The following KANSL1L variants were observed in gnomAD, a reference collection of about 807,000 sequenced individuals.
KANSL1L encodes KAT8 regulatory NSL complex subunit 1 like, also known as KAT8 regulatory NSL complex subunit 1-like protein.
In KANSL1L, 25 loss-of-function variants were observed where a neutral mutation model predicts 108.6. The observed-to-expected ratio is 0.23, with a 90% confidence interval of 0.17 to 0.32. KANSL1L has a LOEUF of 0.32. KANSL1L is among the 10% of genes least tolerant of loss of function. The pLI is 1.00. For synonymous variants in KANSL1L, 405 were observed against 395.1 expected (o/e 1.03, Z -0.30); for missense variants, 1,137 against 1,125.7 (o/e 1.01, Z -0.14).
At chr2:210,121,268 G>A (rs2125508397) in intron 3 of KANSL1L, among the ~76,000 whole-genome samples, 1 of 152,302 alleles carries the variant, frequency 6.6e-6, no homozygotes, top group Middle Eastern at 3.4e-3. Flanking sequence ...ATGGTAGACT[G>A]CATAAAGCAA....
At chr2:210,169,641 T>G (rs555536339) in intron 1 of KANSL1L, among the ~76,000 whole-genome samples, 1 of 152,342 alleles carries the variant, frequency 6.6e-6, no homozygotes, top group African/African-American at 2.4e-5. Context: ...TTAAGAAGTT[T>G]CACATAAAAA....
intron 5 of KANSL1L, chr2:210,096,401 G>T: frequency 1.5e-6 from 1 of 674,938 alleles, no homozygotes; most frequent in Non-Finnish European, 1.8e-6. Flanking sequence ...CTTCATATTT[G>T]TGTCCCTAGG....
intron 7 of KANSL1L, among the ~76,000 whole-genome samples, chr2:210,043,224 A>G (rs969744666): frequency 5.9e-5 from 9 of 151,992 alleles, no homozygotes; most frequent in Non-Finnish European, 7.4e-5. Flanking sequence ...CATCTCTACA[A>G]AAAAATTTAA....
chr2:210,096,171 A>G (rs2094734311), intron 5 of KANSL1L, among the ~76,000 whole-genome samples: 1 of 152,212 alleles, frequency 6.6e-6, no homozygotes, highest in African/African-American at 2.4e-5. Context: ...CTACTAGTAG[A>G]CAGAATTAAA....
At chr2:210,169,923 T>C (rs144725396) in intron 1 of KANSL1L, among the ~76,000 whole-genome samples, 4,697 of 152,336 alleles carry the variant, frequency 0.031, 103 homozygotes, top group Non-Finnish European at 0.046. Context: ...TCACTTTTCC[T>C]AATACAAGGC....
intron 3 of KANSL1L, among the ~76,000 whole-genome samples, chr2:210,115,130 C>T (rs1047684876): frequency 6.6e-6 from 1 of 152,020 alleles, no homozygotes; most frequent in Admixed American, 6.6e-5. Context: ...ATTAAACTCC[C>T]CAAAACACAG....
chr2:210,158,042 G>A (rs1040916231), intron 1 of KANSL1L, among the ~76,000 whole-genome samples: 1 of 152,204 alleles, frequency 6.6e-6, no homozygotes, highest in Non-Finnish European at 1.5e-5. Flanking sequence ...AAATCTCTGG[G>A]TGAGATCTCT....
Position 210,097,324 on chromosome 2 carries a change from AATTAT to A in KANSL1L, c.1550+757_1550+761del, listed in dbSNP as rs1326533973. ...ATATTAGAAAGTTATTAAAATAATA[AATTAT>A]ATAATTTTTAACACAAATATTTCCC... On this transcript the variant is annotated intron_variant, in intron 5 of 14. Transcript: ENST00000281772. The A allele has an allele frequency of 1.9e-5, 14 of 746,396 alleles. No individual in the cohort carries two copies. The Admixed American group carries it at 5.0e-4, about 27-fold the overall frequency. 46.2% of individuals were successfully genotyped at this position (746,396 alleles called of 1,614,324 possible).
chr2:210,029,109 T>C (rs2093979104), intron 10 of KANSL1L, 140 bp from the exon 11 acceptor site: 1 of 706,202 alleles, frequency 1.4e-6, no homozygotes, highest in Admixed American at 3.7e-5. Flanking sequence ...GACTAAAAAA[T>C]GTTAAGAAAA....
intron 2 of KANSL1L, among the ~76,000 whole-genome samples, chr2:210,130,679 A>G (rs2095111490): frequency 6.6e-6 from 1 of 152,228 alleles, no homozygotes; most frequent in Non-Finnish European, 1.5e-5. Context: ...GGACAAAATA[A>G]AATACCTATT....
chr2:210,168,758 T>C (rs1291024585), intron 1 of KANSL1L, among the ~76,000 whole-genome samples: 2 of 152,078 alleles, frequency 1.3e-5, no homozygotes. Flanking sequence ...GTAAAAGTTA[T>C]GAATCCAACA....
At chr2:210,083,907 A>G (rs1284629514) in intron 5 of KANSL1L, among the ~76,000 whole-genome samples, 1 of 152,012 alleles carries the variant, frequency 6.6e-6, no homozygotes, top group Admixed American at 6.6e-5. Context: ...TTATCCTCCA[A>G]TTGGCAAAAG....
chr2:210,156,917 G>T (rs778860495), intron 1 of KANSL1L, among the ~76,000 whole-genome samples: 2 of 150,426 alleles, frequency 1.3e-5, no homozygotes, highest in East Asian at 3.9e-4. Context: ...GTTTCTGTAT[G>T]TCTCAAAATT....
intron 5 of KANSL1L, chr2:210,080,313 C>CA (rs1202485305): frequency 2.0e-5 from 3 of 152,144 alleles, no homozygotes; most frequent in Non-Finnish European, 4.4e-5. Flanking sequence ...TCTCATCTTG[C>CA]ATGATGCTTT....
chr2:210,092,833 G>A (rs533237541), intron 5 of KANSL1L, among the ~76,000 whole-genome samples: 3 of 152,206 alleles, frequency 2.0e-5, no homozygotes, highest in African/African-American at 7.2e-5. Flanking sequence ...CTTAAAACTA[G>A]GGATCTCTTG....
intron 6 of KANSL1L, among the ~76,000 whole-genome samples, chr2:210,063,257 G>A (rs900520806): frequency 1.3e-5 from 2 of 152,246 alleles, no homozygotes; most frequent in African/African-American, 4.8e-5. Flanking sequence ...TTCAGAAGAT[G>A]TATGGAAACG....
intron 5 of KANSL1L, among the ~76,000 whole-genome samples, chr2:210,079,644 A>ATG (rs1276428655): frequency 5.6e-4 from 5 of 8,982 alleles, no homozygotes; most frequent in African/African-American, 9.9e-4. Context: ...ATATATATAT[A>ATG]TATATATATA....
Position 210,040,449 on chromosome 2 carries a change from A to G in KANSL1L, c.2000T>C (p.Val667Ala), listed in dbSNP as rs1265304009. Residue 667 changes from valine to alanine, a missense_variant, in exon 8 of 15, where the codon GTA (valine) becomes GCA (alanine). Around this residue, in one of 3 missense-constraint regions of KANSL1L, gnomAD observed 575 missense variants for 567.1 expected, o/e 1.01. Transcript: ENST00000281772. ...IKGNLAENKF[V>A]DEYIISPSPV... ...TGATGGAGATATGATATATTCATCTACAAATTTATTTTCAGCAAGATTGCC... is the reference window on the plus strand; with the variant it reads ...TGATGGAGATATGATATATTCATCTGCAAATTTATTTTCAGCAAGATTGCC... 1.3e-6 allele frequency: 2 copies of G among 1,537,398 alleles called. No homozygotes were observed. The highest frequency in any genetic ancestry group is 2.7e-5 in the African/African-American group (2 of 73,330).
rs753694386 is a variant in KANSL1L at position 210,160,985 on chromosome 2, A to ATT, written c.-29-6376_-29-6375dup. 2.0e-3 allele frequency among the ~76,000 whole-genome samples: 269 copies of ATT among 133,412 alleles called. 1 individual carries two copies. The highest frequency in any genetic ancestry group is 6.2e-3 in the African/African-American group (220 of 35,382). 87.5% of individuals were successfully genotyped at this position (133,412 alleles called of 152,430 possible). On this transcript the variant is annotated intron_variant, in intron 1 of 14. Transcript: ENST00000281772. The stretch of plus-strand genomic sequence containing the variant: ...GAACAGACCCACGCACATACGGCCA[A>ATT]TTTTTTTTTTTTTTTTTTTTTGAGA...
Sources: gnomAD v4.1 joint callset for allele counts (sites outside exome capture counted in the v4.1 genomes callset) on GRCh38, gnomAD v4.1.1 for gene constraint, gnomAD v4.1.1 regional missense constraint, MANE v1.5 for transcripts, NCBI Gene and HGNC (gene_info 2026-07-23, HGNC 2026-07-21) for gene names.